NPAS3: variants seen among roughly 807,000 people sequenced by gnomAD.
NPAS3 encodes the protein neuronal PAS domain-containing protein 3.
A neutral mutation model predicts 73.1 loss-of-function variants in NPAS3; 14 were observed. That is an observed-to-expected ratio of 0.19 (90% confidence interval 0.13 to 0.30). The LOEUF (loss-of-function observed/expected upper bound fraction) is 0.30. NPAS3 is among the 10% of genes least tolerant of loss of function. NPAS3 has a pLI of 1.00. For synonymous variants in NPAS3, 620 were observed against 541.5 expected, an observed-to-expected ratio of 1.14 and a Z score of -2.01; for missense variants, 1,096 against 1,250.0, an observed-to-expected ratio of 0.88 and a Z score of 1.86.
chr14:33,102,587 G>C (rs2042608020), intron 2 of NPAS3, among the ~76,000 whole-genome samples: 1 of 152,136 alleles, frequency 6.6e-6, no homozygotes, highest in Non-Finnish European at 1.5e-5. Flanking sequence ...TTTTATTGGA[G>C]TGCCGCCTAG....
intron 4 of NPAS3, among the ~76,000 whole-genome samples, chr14:33,439,644 A>C (rs76496758): frequency 4.6e-5 from 7 of 152,232 alleles, no homozygotes; most frequent in Admixed American, 2.6e-4. Context: ...AAAATGATAA[A>C]TTAAGACAAT....
At chr14:33,328,417 TG>T (rs2043808728) in intron 3 of NPAS3, among the ~76,000 whole-genome samples, 2 of 149,668 alleles carry the variant, frequency 1.3e-5, no homozygotes, top group African/African-American at 4.9e-5. Context: ...TATTTATTGA[TG>T]TTTTTATCTT....
At chr14:33,433,876 G>T (rs576780036) in intron 4 of NPAS3, among the ~76,000 whole-genome samples, 1 of 152,286 alleles carries the variant, frequency 6.6e-6, no homozygotes, top group South Asian at 2.1e-4. Context: ...GAATATAAAT[G>T]ATTGTTTCAG....
intron 4 of NPAS3, among the ~76,000 whole-genome samples, chr14:33,435,187 G>A (rs1364700726): frequency 6.6e-6 from 1 of 152,138 alleles, no homozygotes; most frequent in Non-Finnish European, 1.5e-5. Flanking sequence ...TAACCCATCA[G>A]CCATCATTAA....
chr14:33,415,157 C>T (rs1441264318), intron 4 of NPAS3, among the ~76,000 whole-genome samples: 1 of 152,074 alleles, frequency 6.6e-6, no homozygotes, highest in Non-Finnish European at 1.5e-5. Flanking sequence ...TCCCAGCTTC[C>T]CTCTATATGC....
chr14:33,005,736 G>T (rs1029554358), intron 1 of NPAS3, among the ~76,000 whole-genome samples: 1 of 152,148 alleles, frequency 6.6e-6, no homozygotes, highest in Non-Finnish European at 1.5e-5. Flanking sequence ...GTTACTTGGT[G>T]GTTGGGTCCT....
At chr14:33,760,076 C>T (rs1325217516) in intron 7 of NPAS3, among the ~76,000 whole-genome samples, 3 of 152,144 alleles carry the variant, frequency 2.0e-5, no homozygotes, top group African/African-American at 7.2e-5. Flanking sequence ...TTTTGCCATC[C>T]ACCTGCCCTT....
intron 5 of NPAS3, among the ~76,000 whole-genome samples, chr14:33,642,671 T>C (rs548600003): frequency 6.6e-6 from 1 of 152,190 alleles, no homozygotes. Context: ...AAAACTGCAT[T>C]GTGCCTGCTT....
chr14:32,961,188 C>T (rs529918767), intron 1 of NPAS3, among the ~76,000 whole-genome samples: 22 of 151,812 alleles, frequency 1.4e-4, no homozygotes, highest in Admixed American at 3.9e-4. Context: ...CCGAGGTGGG[C>T]GGATCACGAG....
At chr14:33,663,810 A>G (rs1008320880) in intron 5 of NPAS3, among the ~76,000 whole-genome samples, 2 of 152,086 alleles carry the variant, frequency 1.3e-5, no homozygotes, top group African/African-American at 4.8e-5. Flanking sequence ...CATTTCTTCT[A>G]GATTTTCTAT....
chr14:33,545,431 A>G (rs2054798544), intron 4 of NPAS3, among the ~76,000 whole-genome samples: 1 of 152,186 alleles, frequency 6.6e-6, no homozygotes, highest in Non-Finnish European at 1.5e-5. Flanking sequence ...GTTAACTCCA[A>G]TCATCTCAAC....
At chr14:33,160,223 G>A (rs1243112236) in intron 2 of NPAS3, among the ~76,000 whole-genome samples, 1 of 152,016 alleles carries the variant, frequency 6.6e-6, no homozygotes, top group Admixed American at 6.5e-5. Flanking sequence ...TTATTCTTAA[G>A]TGATGCCATG....
At chr14:33,544,794 A>AT (rs1555409869) in intron 4 of NPAS3, among the ~76,000 whole-genome samples, 71 of 107,702 alleles carry the variant, frequency 6.6e-4, no homozygotes, top group Non-Finnish European at 1.1e-3. Context: ...TGTATTATAT[A>AT]TATATATATA....
chr14:32,978,055 C>G (rs1327745510), intron 1 of NPAS3, among the ~76,000 whole-genome samples: 1 of 152,086 alleles, frequency 6.6e-6, no homozygotes, highest in East Asian at 1.9e-4. Context: ...TTGCAATAAC[C>G]CTGTGAGGCA....
chr14:32,947,245 T>C (rs1192118714), intron 1 of NPAS3, among the ~76,000 whole-genome samples: 5 of 152,180 alleles, frequency 3.3e-5, no homozygotes, highest in Non-Finnish European at 7.4e-5. Flanking sequence ...TCCTTTCTGC[T>C]ACAGTAACAC....
At chr14:33,801,089 C>T in exon 12 of NPAS3, 1 of 1,589,560 alleles carries the variant, frequency 6.3e-7, no homozygotes, top group Non-Finnish European at 8.6e-7. Flanking sequence ...GGCACAGACT[C>T]TGGAGCGCAA....
At chr14:33,361,501 A>G (rs899436343) in intron 3 of NPAS3, among the ~76,000 whole-genome samples, 1 of 152,200 alleles carries the variant, frequency 6.6e-6, no homozygotes, top group Non-Finnish European at 1.5e-5. Flanking sequence ...AAAAGCAGAC[A>G]TGGTTTCTTT....
At chr14:32,951,637 T>C (rs2036487976) in intron 1 of NPAS3, among the ~76,000 whole-genome samples, 1 of 152,092 alleles carries the variant, frequency 6.6e-6, no homozygotes, top group African/African-American at 2.4e-5. Flanking sequence ...AGAAGAACTC[T>C]GGAAATATTG....
At chr14:33,506,070 A>G (rs2052746562) in intron 4 of NPAS3, among the ~76,000 whole-genome samples, 1 of 151,878 alleles carries the variant, frequency 6.6e-6, no homozygotes, top group Non-Finnish European at 1.5e-5. Flanking sequence ...TTATCCTGCT[A>G]TGCCACCCTG....
Sources: gnomAD v4.1 joint callset for allele counts (sites outside exome capture counted in the v4.1 genomes callset) on GRCh38, gnomAD v4.1.1 for gene constraint, MANE v1.5 for transcripts, NCBI Gene and HGNC (gene_info 2026-07-23, HGNC 2026-07-21) for gene names.